Variants in PCDH15 observed in about 807,000 individuals in gnomAD.
PCDH15 encodes the protein protocadherin related 15.
PCDH15 carries 129 observed loss-of-function variants against 178.5 expected under a neutral mutation model. The observed-to-expected ratio is 0.72, with a 90% CI of 0.63 to 0.84. The LOEUF is 0.84. PCDH15 is among the 40% of genes least tolerant of loss of function. The pLI is 0.00. For synonymous variants in PCDH15, 800 were observed against 732.0 expected (o/e 1.09, Z -1.50); for missense variants, 2,230 against 2,099.9 (o/e 1.06, Z -1.21).
intron 1 of PCDH15, among the ~76,000 whole-genome samples, chr10:55,299,658 T>C (rs1202720580): frequency 6.6e-6 from 1 of 152,160 alleles, no homozygotes. Flanking sequence ...CTTACACTTC[T>C]CAATGAGGGA....
intron 2 of PCDH15, among the ~76,000 whole-genome samples, chr10:55,051,102 C>T (rs1037528932): frequency 6.6e-6 from 1 of 152,050 alleles, no homozygotes; most frequent in South Asian, 2.1e-4. Flanking sequence ...TGGATTTACA[C>T]CTTTTTCTTT....
upstream of PCDH15, among the ~76,000 whole-genome samples, chr10:54,803,219 T>A (rs1024062851): frequency 5.9e-5 from 9 of 152,224 alleles, no homozygotes; most frequent in African/African-American, 1.9e-4. Flanking sequence ...TTTTTTCTCT[T>A]AAAATATATC....
chr10:54,056,092 C>T (rs12242499), intron 18 of PCDH15, among the ~76,000 whole-genome samples: 35,407 of 151,994 alleles, frequency 0.23, 4,422 homozygotes, highest in African/African-American at 0.3. Context: ...CATCCAAGTC[C>T]ATTGTTGGGA....
chr10:55,084,579 C>G (rs114976962), intron 2 of PCDH15, among the ~76,000 whole-genome samples: 1 of 151,432 alleles, frequency 6.6e-6, no homozygotes, highest in African/African-American at 2.4e-5. Flanking sequence ...ACAAATGGGA[C>G]CACATTAAGT....
chr10:54,779,404 A>ATT (rs1371843688), intron 1 of PCDH15, among the ~76,000 whole-genome samples: 1 of 79,840 alleles, frequency 1.3e-5, no homozygotes, highest in Non-Finnish European at 2.9e-5. Flanking sequence ...CTATATATAT[A>ATT]TGTATATATA....
At chr10:55,249,041 G>T (rs1841760943) in intron 1 of PCDH15, among the ~76,000 whole-genome samples, 1 of 152,124 alleles carries the variant, frequency 6.6e-6, no homozygotes, top group African/African-American at 2.4e-5. Context: ...TGATAAAAAA[G>T]TTGTAAATCT....
At position 54,062,246 on chromosome 10, in the gene PCDH15, AAAAAAACAAAAAAC is replaced by A. The variant is rs1293238835; in HGVS notation, c.2220+4497_2220+4510del. On this transcript the variant is annotated intron_variant, in intron 18 of 37. Coordinates refer to ENST00000644397, the MANE Select transcript of PCDH15 (RefSeq NM_001384140.1). ...CTGTCTCAAAAAAAAAAAAAAAAAA[AAAAAAACAAAAAAC>A]AACTAAATGAAAACTCCCTTCAGCA... Among the ~76,000 whole-genome samples the A allele has an allele frequency of 1.0e-3, 140 of 135,072 alleles. 2 individuals carry two copies. The highest frequency in any genetic ancestry group is 3.7e-3 in the African/African-American group (122 of 32,846). The allele number at this position is 135,072 out of a possible 152,430, so 88.6% of individuals were successfully genotyped here. A position where few individuals can be genotyped will look rare whatever the true frequency, so the allele number is the denominator to read the frequency against.
chr10:54,289,559 C>T (rs2059262402), intron 8 of PCDH15, among the ~76,000 whole-genome samples: 1 of 152,142 alleles, frequency 6.6e-6, no homozygotes, highest in Non-Finnish European at 1.5e-5. Flanking sequence ...GATGAGTTGA[C>T]AGAAGTAGGC....
intron 2 of PCDH15, among the ~76,000 whole-genome samples, chr10:55,136,777 T>C (rs1417910071): frequency 6.6e-6 from 1 of 152,154 alleles, no homozygotes; most frequent in Admixed American, 6.5e-5. Flanking sequence ...TCAAATACTA[T>C]AACCAGTTTA....
At chr10:54,681,296 T>C (rs1205112900) in intron 1 of PCDH15, among the ~76,000 whole-genome samples, 1 of 152,282 alleles carries the variant, frequency 6.6e-6, no homozygotes, top group Middle Eastern at 3.4e-3. Flanking sequence ...TAGATTGATA[T>C]GAATGAATCT....
intron 2 of PCDH15, among the ~76,000 whole-genome samples, chr10:55,377,374 A>G (rs867780675): frequency 1.3e-5 from 2 of 151,928 alleles, no homozygotes; most frequent in Non-Finnish European, 2.9e-5. Flanking sequence ...CTATCTTATT[A>G]AAATAAATTA....
intron 2 of PCDH15, among the ~76,000 whole-genome samples, chr10:55,378,590 C>A (rs1565076201): frequency 6.6e-6 from 1 of 152,020 alleles, no homozygotes. Context: ...CAAAAACGTA[C>A]AAAATATCTT....
At chr10:54,352,971 A>G (rs1944405701) in intron 5 of PCDH15, among the ~76,000 whole-genome samples, 1 of 152,170 alleles carries the variant, frequency 6.6e-6, no homozygotes, top group Non-Finnish European at 1.5e-5. Flanking sequence ...TGGTAAATTT[A>G]GAAATTTTAA....
At chr10:55,547,910 T>TGTGTGTGTGTGAGAGAGAGAGAGAGA (rs541144266) in intron 2 of PCDH15, among the ~76,000 whole-genome samples, 3 of 54,530 alleles carry the variant, frequency 5.5e-5, no homozygotes, top group Admixed American at 2.1e-4. Context: ...TGTGTGTGTG[T>TGTGTGTGTGTGAGAGAGAGAGAGAGA]GAGAGAGAGA....
rs56817323 is a variant in PCDH15, at chr10:55,582,596, G to GTATATATA, written c.-156+45021_-156+45028dup. 2.4e-3 allele frequency among the ~76,000 whole-genome samples: 216 copies of GTATATATA among 90,266 alleles called. 2 individuals carry two copies. Among genetic ancestry groups the GTATATATA allele is most frequent in the Non-Finnish European group, 2.3e-3 (114 of 49,054 alleles). The allele number at this position is 90,266 out of a possible 152,430, so 59.2% of individuals were successfully genotyped here. On this transcript the variant is annotated intron_variant, in intron 2 of 5. Transcript: ENST00000613346. ...AACTGGCTATTCTGTATGTGTATGT[G>GTATATATA]TATATATATATATATATATATATAT...
intron 3 of PCDH15, among the ~76,000 whole-genome samples, chr10:54,442,120 T>C (rs1484471387): frequency 6.6e-6 from 1 of 151,440 alleles, no homozygotes; most frequent in African/African-American, 2.4e-5. Context: ...CATGTCTGCT[T>C]CAAGGCTGAA....
chr10:54,196,302 A>C (rs1367673006), intron 10 of PCDH15, among the ~76,000 whole-genome samples: 1 of 151,664 alleles, frequency 6.6e-6, no homozygotes, highest in South Asian at 2.1e-4. Context: ...ACCACCACGC[A>C]TGGCTAATGT....
chr10:54,007,838 T>A (rs1208077457), intron 20 of PCDH15, among the ~76,000 whole-genome samples: 1 of 152,158 alleles, frequency 6.6e-6, no homozygotes, highest in African/African-American at 2.4e-5. Flanking sequence ...CTGTGGTGAC[T>A]TTTTGGGTCC....
intron 2 of PCDH15, among the ~76,000 whole-genome samples, chr10:55,036,898 G>A (rs1456177247): frequency 6.6e-6 from 1 of 152,114 alleles, no homozygotes; most frequent in East Asian, 1.9e-4. Flanking sequence ...CTTTATCTGT[G>A]TTAGCATACC....
Sources: gnomAD v4.1 joint callset for allele counts (sites outside exome capture counted in the v4.1 genomes callset) on GRCh38, gnomAD v4.1.1 for gene constraint, MANE v1.5 for transcripts, NCBI Gene and HGNC (gene_info 2026-07-23, HGNC 2026-07-21) for gene names.